CELF2: variants seen among roughly 807,000 people sequenced by gnomAD.
The protein encoded by CELF2 is CUGBP Elav-like family member 2.
Under a neutral mutation model 62.6 loss-of-function variants are expected in CELF2, and 8 were observed. That is an observed-to-expected ratio of 0.13 (90% confidence interval 0.07 to 0.23). CELF2 has a LOEUF of 0.23. CELF2 is among the 10% of genes least tolerant of loss of function. The pLI, the probability that CELF2 is intolerant of heterozygous loss-of-function variation, is 1.00. For synonymous variants in CELF2, 258 were observed against 250.0 expected (o/e 1.03, Z -0.30); for missense variants, 333 against 671.0 (o/e 0.50, Z 5.56).
chr10:10,546,136 C>T, the CELF2 span, among the ~76,000 whole-genome samples: 1 of 152,170 alleles, frequency 6.6e-6, no homozygotes, highest in African/African-American at 2.4e-5. Context: ...GTAACCCATT[C>T]AAAAGAGCTT....
At chr10:10,497,163 C>A in the CELF2 span, among the ~76,000 whole-genome samples, 1 of 144,748 alleles carries the variant, frequency 6.9e-6, no homozygotes. Flanking sequence ...CCAGCTTGGG[C>A]GACAGAGCAA....
the CELF2 span, among the ~76,000 whole-genome samples, chr10:10,767,064 C>A: frequency 6.6e-6 from 1 of 152,148 alleles, no homozygotes; most frequent in Non-Finnish European, 1.5e-5. Flanking sequence ...TCCTTCATCG[C>A]CGTCTTTTGG....
At chr10:11,303,895 A>G (rs976517536) in intron 9 of CELF2, among the ~76,000 whole-genome samples, 3 of 152,138 alleles carry the variant, frequency 2.0e-5, no homozygotes, top group Non-Finnish European at 4.4e-5. Flanking sequence ...ACTTCACTTC[A>G]CAGGATAACT....
At chr10:11,050,215 T>G (rs1445644289) in intron 1 of CELF2, among the ~76,000 whole-genome samples, 1 of 152,188 alleles carries the variant, frequency 6.6e-6, no homozygotes, top group Non-Finnish European at 1.5e-5. Flanking sequence ...GAGAACAGTA[T>G]TTGTGTCCCG....
At chr10:10,777,803 T>C in the CELF2 span, among the ~76,000 whole-genome samples, 4 of 152,252 alleles carry the variant, frequency 2.6e-5, no homozygotes, top group South Asian at 6.2e-4. Flanking sequence ...ATCTGGCCGT[T>C]ACCTACCTCT....
Position 11,159,438 on chromosome 10 carries a change from C to T in CELF2, c.75-6048C>T, listed in dbSNP as rs1238942303. ...CATTTTAAAAGGGAGTTGCAATTCC[C>T]AGAGCTCTGGGTTGGATGACCACTG... is the stretch of plus-strand genomic sequence containing the variant. On this transcript the variant is annotated intron_variant, in intron 1 of 12. Coordinates refer to ENST00000633077, the MANE Select transcript of CELF2 (RefSeq NM_001326342.2). This position sits in a 1 kb window ranked among gnomAD's most constrained non-coding sequence, Gnocchi z 5.0. Among the ~76,000 whole-genome samples the T allele has an allele frequency of 6.6e-6, 1 of 152,156 alleles. No individual in the cohort carries two copies. The highest frequency in any genetic ancestry group is 1.5e-5 in the Non-Finnish European group (1 of 68,030).
At chr10:10,698,918 G>A in the CELF2 span, among the ~76,000 whole-genome samples, 1 of 151,912 alleles carries the variant, frequency 6.6e-6, no homozygotes, top group Non-Finnish European at 1.5e-5. Flanking sequence ...CTTGCAGTGT[G>A]GCTTTAGGTA....
chr10:11,049,050 A>G (rs1001121093), intron 1 of CELF2, among the ~76,000 whole-genome samples: 4 of 151,928 alleles, frequency 2.6e-5, no homozygotes, highest in African/African-American at 9.7e-5. Flanking sequence ...ACCTATTACC[A>G]TGAGAAATTG....
intron 1 of CELF2, among the ~76,000 whole-genome samples, chr10:10,874,171 T>C (rs1401375007): frequency 6.6e-6 from 1 of 152,088 alleles, no homozygotes; most frequent in Non-Finnish European, 1.5e-5. Context: ...TTTTGTAAAT[T>C]AGCCAGGCAT....
chr10:11,237,370 C>T lies in CELF2; in HGVS notation c.355-11783C>T, dbSNP rs1026297933. On this transcript the variant is annotated intron_variant, in intron 3 of 12. Transcript: ENST00000633077. The surrounding 1 kb of genome is among the most constrained non-coding windows in gnomAD (Gnocchi z 4.0). ...GTCTCTGTCCAGCTTCTCAAGTTCT[C>T]TGTGGGGTACCCAGATTCAGGTCAT... is the stretch of plus-strand genomic sequence containing the variant. Among the ~76,000 whole-genome samples the T allele has an allele frequency of 1.3e-5, 2 of 152,158 alleles. No individual in the cohort carries two copies. The highest frequency in any genetic ancestry group is 2.9e-5 in the Non-Finnish European group (2 of 68,020).
chr10:10,549,149 G>A, the CELF2 span, among the ~76,000 whole-genome samples: 114 of 152,296 alleles, frequency 7.5e-4, no homozygotes, highest in African/African-American at 2.6e-3. Flanking sequence ...AGATGTCTTT[G>A]TGGTAAACTA....
chr10:11,271,160 G>T (rs771597001), intron 7 of CELF2, among the ~76,000 whole-genome samples: 3 of 152,224 alleles, frequency 2.0e-5, no homozygotes, highest in Admixed American at 6.5e-5. Context: ...TCAGGTCAGG[G>T]TCTGCGCCAG....
intron 2 of CELF2, among the ~76,000 whole-genome samples, chr10:11,184,602 C>T (rs2074336417): frequency 1.3e-5 from 2 of 152,222 alleles, no homozygotes; most frequent in Admixed American, 1.3e-4. Context: ...TTGCCATGAA[C>T]AGGACCTTGC....
At chr10:11,002,155 C>T (rs1280804411), upstream of CELF2, among the ~76,000 whole-genome samples, 1 of 152,142 alleles carries the variant, frequency 6.6e-6, no homozygotes, top group Non-Finnish European at 1.5e-5. The surrounding 1 kb of genome is among the most constrained non-coding windows in gnomAD (Gnocchi z 4.4). Flanking sequence ...GCAAAAGTCA[C>T]GTCTTACATG....
intron 1 of CELF2, among the ~76,000 whole-genome samples, chr10:11,095,142 G>T (rs907995104): frequency 1.3e-5 from 2 of 151,982 alleles, no homozygotes; most frequent in African/African-American, 4.8e-5. Flanking sequence ...GCCTTGATGC[G>T]TGGCCCCCGT....
chr10:10,598,751 CTTTTTTTTTTTTTTTTTT>C, the CELF2 span, among the ~76,000 whole-genome samples: 2 of 69,586 alleles, frequency 2.9e-5, no homozygotes, highest in Non-Finnish European at 6.1e-5. Flanking sequence ...CTTTTTCTTT[CTTTTTTTTTTTTTTTTTT>C]TTTTTTTTTG....
intron 2 of CELF2, among the ~76,000 whole-genome samples, chr10:10,998,478 T>G (rs573683448): frequency 6.6e-5 from 10 of 152,318 alleles, no homozygotes; most frequent in African/African-American, 2.4e-4. Flanking sequence ...AAAATAAAAT[T>G]TAATGCACTT....
At chr10:10,672,502 T>C in the CELF2 span, among the ~76,000 whole-genome samples, 1 of 152,112 alleles carries the variant, frequency 6.6e-6, no homozygotes, top group African/African-American at 2.4e-5. Flanking sequence ...TTTTTTTTTT[T>C]TTAATTGCAT....
intron 1 of CELF2, 70 bp downstream of exon 1, chr10:11,018,233 A>T: frequency 7.4e-7 from 1 of 1,351,894 alleles, no homozygotes; most frequent in South Asian, 1.3e-5. Context: ...CGCGAAGGGG[A>T]CGGGCGTCGC....
Sources: allele counts gnomAD v4.1 joint callset (sites outside exome capture counted in the v4.1 genomes callset), GRCh38; gene constraint gnomAD v4.1.1; non-coding constraint Gnocchi (gnomAD v3.1); transcripts MANE v1.5; gene names NCBI Gene and HGNC (gene_info 2026-07-23, HGNC 2026-07-21).